Variants in BRD10 observed in about 807,000 individuals in gnomAD.
BRD10 encodes the protein bromodomain containing 10.
the BRD10 span, among the ~76,000 whole-genome samples, chr9:5,967,827 T>C: frequency 6.6e-6 from 1 of 152,224 alleles, no homozygotes; most frequent in Non-Finnish European, 1.5e-5. Flanking sequence ...ACTTTTTTTG[T>C]TGTAAGTATA....
the BRD10 span, among the ~76,000 whole-genome samples, chr9:5,991,859 C>G: frequency 6.6e-6 from 1 of 152,148 alleles, no homozygotes; most frequent in Non-Finnish European, 1.5e-5. Flanking sequence ...GCCTACCTCT[C>G]CAGGCCTAAT....
chr9:5,987,800 C>A, the BRD10 span, among the ~76,000 whole-genome samples: 3 of 152,162 alleles, frequency 2.0e-5, no homozygotes, highest in African/African-American at 7.2e-5. Flanking sequence ...TCACTTACCT[C>A]TCTGGGCCCT....
chr9:6,007,140 G>C, the BRD10 span: 1 of 1,544,370 alleles, frequency 6.5e-7, no homozygotes, highest in Admixed American at 1.7e-5. Flanking sequence ...TCGGGCACGT[G>C]TGAGTGTGTG....
At chr9:6,008,248 C>G in the BRD10 span, 18 of 982,932 alleles carry the variant, frequency 1.8e-5, no homozygotes, top group Non-Finnish European at 2.2e-5. Context: ...CCGGCTCCTC[C>G]TCTCCCTCAC....
the BRD10 span, chr9:5,897,438 C>A: frequency 1.5e-5 from 13 of 884,336 alleles, no homozygotes; most frequent in Non-Finnish European, 1.8e-5. Context: ...TACTTGGACA[C>A]TGGGAGATGC....
the BRD10 span, among the ~76,000 whole-genome samples, chr9:5,985,954 T>C: frequency 9.9e-5 from 15 of 152,218 alleles, no homozygotes; most frequent in African/African-American, 2.2e-4. Flanking sequence ...TGTGGGCACA[T>C]AGGCTTTTTA....
the BRD10 span, chr9:5,921,398 G>A: frequency 6.2e-7 from 1 of 1,613,960 alleles, no homozygotes; most frequent in African/African-American, 1.3e-5. Flanking sequence ...ATGCAATGGA[G>A]GAGGAAGAGT....
chr9:5,981,489 G>A, the BRD10 span, among the ~76,000 whole-genome samples: 1 of 152,094 alleles, frequency 6.6e-6, no homozygotes, highest in Non-Finnish European at 1.5e-5. Context: ...TGACAGATAC[G>A]ACATCCAGAG....
the BRD10 span, among the ~76,000 whole-genome samples, chr9:6,002,939 C>G: frequency 2.0e-5 from 3 of 152,156 alleles, no homozygotes; most frequent in African/African-American, 7.2e-5. Flanking sequence ...CCCGCCTCGG[C>G]CTCCCTAAGT....
chr9:5,939,065 G>C, the BRD10 span, among the ~76,000 whole-genome samples: 1 of 152,012 alleles, frequency 6.6e-6, no homozygotes, highest in African/African-American at 2.4e-5. Context: ...ATGGAGAGAA[G>C]AGGGAAAATT....
At chr9:5,923,976 A>G in the BRD10 span, among the ~76,000 whole-genome samples, 2 of 152,232 alleles carry the variant, frequency 1.3e-5, no homozygotes, top group African/African-American at 4.8e-5. Flanking sequence ...GAAATGAATT[A>G]CAGGTAATCT....
chr9:5,959,919 C>G, the BRD10 span, among the ~76,000 whole-genome samples: 2 of 152,172 alleles, frequency 1.3e-5, no homozygotes, highest in Admixed American at 1.3e-4. Flanking sequence ...CTTCTAAAAC[C>G]TCAACTTTTC....
At chr9:5,964,059 T>A in the BRD10 span, among the ~76,000 whole-genome samples, 1 of 151,976 alleles carries the variant, frequency 6.6e-6, no homozygotes. Context: ...ACAAATGGGA[T>A]CTAATTCAAC....
At chr9:5,944,648 A>G in the BRD10 span, among the ~76,000 whole-genome samples, 3 of 152,086 alleles carry the variant, frequency 2.0e-5, no homozygotes, top group African/African-American at 7.2e-5. Flanking sequence ...TACCTGATAC[A>G]AACCAGGCAA....
chr9:5,982,055 G>GTA, the BRD10 span, among the ~76,000 whole-genome samples: 6,857 of 151,042 alleles, frequency 0.045, 395 homozygotes, highest in African/African-American at 0.14. Flanking sequence ...GTATGTGTGT[G>GTA]TATATATATA....
At chr9:5,909,637 A>G in the BRD10 span, 2 of 152,258 alleles carry the variant, frequency 1.3e-5, no homozygotes, top group Non-Finnish European at 2.9e-5. Context: ...CTAACTAATG[A>G]CAAGTATTTT....
chr9:5,921,332 A>G, the BRD10 span: 2 of 1,613,764 alleles, frequency 1.2e-6, no homozygotes, highest in Non-Finnish European at 1.7e-6. Flanking sequence ...TGGTGTGCCC[A>G]CTGTAGACGG....
At chr9:5,911,147 G>A in the BRD10 span, among the ~76,000 whole-genome samples, 3 of 152,154 alleles carry the variant, frequency 2.0e-5, no homozygotes, top group East Asian at 1.9e-4. Context: ...TTTCTCCAAC[G>A]CTTTCTTTTA....
the BRD10 span, among the ~76,000 whole-genome samples, chr9:5,904,210 G>A: frequency 6.6e-6 from 1 of 150,582 alleles, no homozygotes; most frequent in Non-Finnish European, 1.5e-5. Flanking sequence ...TTTAAAGAGG[G>A]TTTCTTGTAG....
Sources: gnomAD v4.1 joint callset for allele counts (sites outside exome capture counted in the v4.1 genomes callset) on GRCh38, gnomAD v4.1.1 for gene constraint, MANE v1.5 for transcripts, NCBI Gene and HGNC (gene_info 2026-07-23, HGNC 2026-07-21) for gene names.